The following TBXAS1 variants were observed in gnomAD, a reference collection of about 807,000 sequenced individuals.
The protein encoded by TBXAS1 is thromboxane A synthase 1, also known as thromboxane-A synthase.
Under a neutral mutation model 60.7 loss-of-function variants are expected in TBXAS1, and 48 were observed. That is an observed-to-expected ratio of 0.79 (90% CI 0.63 to 1.01). The LOEUF (loss-of-function observed/expected upper bound fraction) is 1.01. Ranked by LOEUF, TBXAS1 falls within the 50% of genes least tolerant of loss-of-function variation. The pLI is 0.00. For missense variants in TBXAS1, 685 were observed against 686.3 expected (o/e 1.00, Z 0.02); for synonymous variants, 287 against 269.7 (o/e 1.06, Z -0.63).
At chr7:139,960,533 G>C (rs1466362170) in intron 8 of TBXAS1, among the ~76,000 whole-genome samples, 8 of 151,952 alleles carry the variant, frequency 5.3e-5, no homozygotes, top group African/African-American at 1.9e-4. Flanking sequence ...ATCACCTGAA[G>C]TCAGGAGTTC....
chr7:140,007,934 A>G (rs1222729038), intron 10 of TBXAS1, among the ~76,000 whole-genome samples: 2 of 152,088 alleles, frequency 1.3e-5, no homozygotes, highest in African/African-American at 4.8e-5. Context: ...CTTCGTTCAA[A>G]CTCTCCCAAA....
In TBXAS1 at chr7:139,916,780, A is replaced by T. The variant is rs1806017545; in HGVS notation, c.333+5459A>T. Reference sequence around the variant, plus strand: ...CTCATTGCAGAGCTAATTGGCAAGGAAAGCTCAATTCAGGGCTACAGGTGA... The same window carrying T: ...CTCATTGCAGAGCTAATTGGCAAGGTAAGCTCAATTCAGGGCTACAGGTGA... On this transcript the variant is annotated intron_variant, in intron 4 of 12. Coordinates refer to ENST00000448866, the MANE Select transcript of TBXAS1 (RefSeq NM_001061.7). The surrounding 1 kb of genome is among the most constrained non-coding windows in gnomAD (Gnocchi z 4.2). Among the ~76,000 whole-genome samples the T allele has an allele frequency of 6.6e-6, 1 of 152,244 alleles. No homozygotes were observed. Among genetic ancestry groups the T allele is most frequent in the African/African-American group, 2.4e-5 (1 of 41,460 alleles).
chr7:139,961,722 T>C (rs1163641399), intron 8 of TBXAS1, among the ~76,000 whole-genome samples, 197 bp from the exon 9 acceptor site: 2 of 152,198 alleles, frequency 1.3e-5, no homozygotes, highest in African/African-American at 4.8e-5. Flanking sequence ...AGAACCTGCC[T>C]GACCAGTGCT....
chr7:139,953,813 T>C (rs1003816), intron 6 of TBXAS1, among the ~76,000 whole-genome samples: 131,466 of 152,204 alleles, frequency 0.86, 56,907 homozygotes, highest in Admixed American at 0.89. Context: ...GAAGCTATAA[T>C]TTAGTGGTGG....
At chr7:139,830,118 A>T (rs887057396) in intron 1 of TBXAS1, among the ~76,000 whole-genome samples, 2 of 152,010 alleles carry the variant, frequency 1.3e-5, no homozygotes, top group East Asian at 3.9e-4. Flanking sequence ...TCAACAGCAA[A>T]TTTTCCTAAG....
intron 9 of TBXAS1, among the ~76,000 whole-genome samples, chr7:139,992,211 C>T (rs1343496038): frequency 6.6e-6 from 1 of 152,230 alleles, no homozygotes; most frequent in African/African-American, 2.4e-5. Context: ...AGGCATGGAC[C>T]AGCATCTCCG....
chr7:139,950,662 T>TCGCCCTC (rs1376762477), intron 5 of TBXAS1, among the ~76,000 whole-genome samples: 5 of 127,130 alleles, frequency 3.9e-5, no homozygotes, highest in Non-Finnish European at 6.8e-5. Context: ...CAGGACTCCC[T>TCGCCCTC]CACCCTCCAT....
chr7:139,859,268 A>G lies in TBXAS1; in HGVS notation c.90-12967A>G, dbSNP rs368390331. Among the ~76,000 whole-genome samples the G allele has an allele frequency of 6.4e-5, 9 of 141,126 alleles. No homozygotes were observed. In the South Asian group the frequency reaches 1.1e-3, roughly 17 times the overall value. 92.6% of individuals were successfully genotyped at this position (141,126 alleles called of 152,430 possible). The stretch of plus-strand genomic sequence containing the variant: ...CCCAGGCTGGCTGGAGTGCAGTGGC[A>G]TGATCTCTGTTCACTGCAAGCTCCG... On this transcript the variant is annotated intron_variant, in intron 1 of 12. Coordinates refer to ENST00000448866, the MANE Select transcript of TBXAS1 (RefSeq NM_001061.7).
At chr7:139,824,947 A>G (rs1798399945), upstream of TBXAS1, among the ~76,000 whole-genome samples, 1 of 149,794 alleles carries the variant, frequency 6.7e-6, no homozygotes, top group Admixed American at 6.7e-5. Context: ...CTCCTGCCTC[A>G]GCCTCCAAAG....
At chr7:139,855,585 A>G (rs1379532670) in intron 1 of TBXAS1, among the ~76,000 whole-genome samples, 1 of 152,148 alleles carries the variant, frequency 6.6e-6, no homozygotes, top group Non-Finnish European at 1.5e-5. Flanking sequence ...GCAGGCTAGA[A>G]GGCAGCTGGC....
At chr7:139,955,341 C>G in intron 6 of TBXAS1, 118 bp from the exon 7 acceptor site, 1 of 1,338,348 alleles carries the variant, frequency 7.5e-7, no homozygotes. Flanking sequence ...CTTCCAGACA[C>G]ATCTGCAGGG....
chr7:139,939,816 T>C (rs1313521372), intron 5 of TBXAS1, among the ~76,000 whole-genome samples: 2 of 151,972 alleles, frequency 1.3e-5, no homozygotes, highest in East Asian at 1.9e-4. Context: ...ACCAGCAGAA[T>C]GTGGAAGGGG....
chr7:139,971,605 C>A (rs1277829734), intron 9 of TBXAS1, among the ~76,000 whole-genome samples: 1 of 152,104 alleles, frequency 6.6e-6, no homozygotes, highest in African/African-American at 2.4e-5. Context: ...CCTTCCTCTG[C>A]CCCTACTCAG....
In TBXAS1 at chr7:139,986,927, C is replaced by G. The variant is rs111678900; in HGVS notation, c.1135-20164C>G. On this transcript the variant is annotated intron_variant, in intron 9 of 12. Coordinates refer to ENST00000448866, the MANE Select transcript of TBXAS1 (RefSeq NM_001061.7). ...TTTTAACCACTATGCGATCTTGGCT[C>G]TCAAGGTGGAAATTTGATGTGGAAA... 3.7e-3 allele frequency among the ~76,000 whole-genome samples: 559 copies of G among 151,918 alleles called. 5 individuals are homozygous for G. The highest frequency in any genetic ancestry group is 0.012 in the African/African-American group (506 of 41,402).
chr7:139,871,190 AAGATCAAAGAGT>A (rs1801799170), intron 1 of TBXAS1, among the ~76,000 whole-genome samples: 1 of 152,230 alleles, frequency 6.6e-6, no homozygotes, highest in Non-Finnish European at 1.5e-5. Context: ...GCAGGTGGGA[AAGATCAAAGAGT>A]ATAGCAAATA....
intron 6 of TBXAS1, among the ~76,000 whole-genome samples, chr7:139,954,513 T>C (rs1382946720): frequency 6.6e-6 from 1 of 152,266 alleles, no homozygotes; most frequent in Non-Finnish European, 1.5e-5. Flanking sequence ...TTAAAAGTCA[T>C]CTGGAAACGT....
chr7:139,930,408 A>G (rs181575760), intron 4 of TBXAS1, among the ~76,000 whole-genome samples: 11 of 152,256 alleles, frequency 7.2e-5, no homozygotes, highest in Non-Finnish European at 2.9e-5. Flanking sequence ...AAGCCTCACA[A>G]CTATCCTAAG....
At chr7:139,936,766 T>C (rs1303781276) in intron 5 of TBXAS1, among the ~76,000 whole-genome samples, 2 of 152,162 alleles carry the variant, frequency 1.3e-5, no homozygotes, top group African/African-American at 4.8e-5. Flanking sequence ...TGAACCACAC[T>C]TTACATAGCA....
chr7:139,950,329 C>A (rs546829946), intron 5 of TBXAS1, among the ~76,000 whole-genome samples: 1 of 152,092 alleles, frequency 6.6e-6, no homozygotes, highest in Non-Finnish European at 1.5e-5. Flanking sequence ...AGCCACCACG[C>A]CTGGCCAGGT....
Sources: allele counts gnomAD v4.1 joint callset (sites outside exome capture counted in the v4.1 genomes callset), GRCh38; gene constraint gnomAD v4.1.1; non-coding constraint Gnocchi (gnomAD v3.1); transcripts MANE v1.5; gene names NCBI Gene and HGNC (gene_info 2026-07-23, HGNC 2026-07-21).